DMC1: variants seen among roughly 807,000 people sequenced by gnomAD.
DMC1 encodes meiotic recombination protein DMC1 homolog.
Under a neutral mutation model 50.1 loss-of-function variants are expected in DMC1, and 27 were observed. The observed-to-expected ratio is 0.54, with a 90% CI of 0.40 to 0.74. The LOEUF is 0.74. Ranked by LOEUF, DMC1 falls within the 30% of genes least tolerant of loss-of-function variation. The pLI is 0.00. For missense variants in DMC1, 295 were observed against 420.2 expected (o/e 0.70, Z 2.60); for synonymous variants, 148 against 136.1 (o/e 1.09, Z -0.61).
At chr22:38,555,551 G>GAACAGCAAT in intron 5 of DMC1, 142 bp from the exon 6 acceptor site, 1 of 613,822 alleles carries the variant, frequency 1.6e-6, no homozygotes, top group African/African-American at 1.9e-5. Flanking sequence ...TACAGAACAT[G>GAACAGCAAT]AACAGCAATT....
intron 5 of DMC1, 86 bp downstream of exon 5, chr22:38,562,201 T>C: frequency 1.1e-6 from 1 of 893,282 alleles, no homozygotes; most frequent in Non-Finnish European, 1.8e-6. Flanking sequence ...CTTCTACTAC[T>C]TATAGTAGAA....
intron 7 of DMC1, among the ~76,000 whole-genome samples, chr22:38,551,041 G>A (rs1569165219): frequency 6.6e-6 from 1 of 150,516 alleles, no homozygotes; most frequent in Non-Finnish European, 1.5e-5. Context: ...AGGAGTTTGA[G>A]ACCAGCCTCA....
intron 5 of DMC1, among the ~76,000 whole-genome samples, chr22:38,561,002 AT>A (rs1011284443): frequency 3.7e-4 from 55 of 149,190 alleles, no homozygotes; most frequent in Non-Finnish European, 2.2e-4. Context: ...TAATTCCTTA[AT>A]TTTTTTTTTT....
At chr22:38,562,402 A>T (rs764187341) in intron 4 of DMC1, 33 bp from the exon 5 acceptor site, 1 of 1,442,212 alleles carries the variant, frequency 6.9e-7, no homozygotes, top group South Asian at 1.1e-5. Flanking sequence ...GTTCAAAAAG[A>T]GTTTAAAGAT....
intron 6 of DMC1, among the ~76,000 whole-genome samples, chr22:38,553,723 C>T (rs1249313480): frequency 6.6e-6 from 1 of 151,008 alleles, no homozygotes; most frequent in Non-Finnish European, 1.5e-5. Context: ...CTTTGGGAGG[C>T]CGAGGCGGGC....
At chr22:38,525,205 T>C (rs2090074935) in intron 12 of DMC1, among the ~76,000 whole-genome samples, 2 of 152,178 alleles carry the variant, frequency 1.3e-5, no homozygotes, top group Non-Finnish European at 2.9e-5. Flanking sequence ...ATATACAGGG[T>C]ACTCCATAAA....
intron 12 of DMC1, among the ~76,000 whole-genome samples, chr22:38,522,118 A>T (rs1424287658): frequency 2.0e-5 from 3 of 151,568 alleles, no homozygotes; most frequent in Admixed American, 6.6e-5. Context: ...CGCCCAGCTA[A>T]TTTTTTGTAT....
chr22:38,519,267 G>A lies in DMC1; in HGVS notation c.*753C>T, dbSNP rs2089998391. ...AGTAGAGATGGGGTTTCTCCATGTT[G>A]GCCAGGCTGGTCTTGAACTCCTGAC... On this transcript the variant is annotated 3_prime_UTR_variant, in exon 14 of 14. Coordinates refer to ENST00000216024, the MANE Select transcript of DMC1 (RefSeq NM_007068.4). The A allele has an allele frequency of 6.6e-6, 1 of 151,796 alleles. No homozygotes were observed. The highest frequency in any genetic ancestry group is 1.5e-5 in the Non-Finnish European group (1 of 67,990). The allele number at this position is 151,796 out of a possible 1,614,324, so 9.4% of individuals were successfully genotyped here. A position where few individuals can be genotyped will look rare whatever the true frequency, so the allele number is the denominator to read the frequency against.
At chr22:38,556,914 G>A (rs997665772) in intron 5 of DMC1, among the ~76,000 whole-genome samples, 3 of 152,166 alleles carry the variant, frequency 2.0e-5, no homozygotes, top group Non-Finnish European at 4.4e-5. Flanking sequence ...ATAAGGAAAA[G>A]AAAAATCTAG....
chr22:38,537,041 G>A (rs181473447), intron 12 of DMC1, among the ~76,000 whole-genome samples: 2 of 151,876 alleles, frequency 1.3e-5, no homozygotes, highest in Admixed American at 6.6e-5. Flanking sequence ...TAGTAGAGAC[G>A]AGGCTTCATC....
At chr22:38,530,343 G>GT (rs1314748546) in intron 12 of DMC1, among the ~76,000 whole-genome samples, 3 of 150,494 alleles carry the variant, frequency 2.0e-5, no homozygotes, top group Non-Finnish European at 4.4e-5. Flanking sequence ...AGAAGAGGTG[G>GT]TTAAAAAAAA....
At chr22:38,513,042 C>A in the DMC1 span, among the ~76,000 whole-genome samples, 1 of 151,896 alleles carries the variant, frequency 6.6e-6, no homozygotes, top group African/African-American at 2.4e-5. Context: ...CAAGATCACA[C>A]CACTGCACTC....
chr22:38,539,225 T>C (rs2090252573), intron 9 of DMC1, 96 bp downstream of exon 9: 2 of 898,258 alleles, frequency 2.2e-6, no homozygotes, highest in South Asian at 1.4e-5. Context: ...AAAAATAAAA[T>C]AGAAAAAAAG....
At chr22:38,551,856 CTT>C (rs71761663) in intron 7 of DMC1, among the ~76,000 whole-genome samples, 44 of 93,150 alleles carry the variant, frequency 4.7e-4, no homozygotes, top group African/African-American at 9.2e-4. Context: ...GAACTCCTTT[CTT>C]TTTTTTTTTT....
chr22:38,527,446 C>T (rs908266788), intron 12 of DMC1, among the ~76,000 whole-genome samples: 2 of 151,944 alleles, frequency 1.3e-5, no homozygotes, highest in African/African-American at 4.8e-5. Context: ...CTCAAGTGAT[C>T]CGCCCACCTC....
chr22:38,526,451 G>A (rs549813136), intron 12 of DMC1, among the ~76,000 whole-genome samples: 98 of 150,628 alleles, frequency 6.5e-4, no homozygotes, highest in African/African-American at 2.2e-3. Flanking sequence ...CTCATGATCT[G>A]CCCACCTCAG....
chr22:38,528,172 C>T (rs1243664864), intron 12 of DMC1, among the ~76,000 whole-genome samples: 1 of 151,624 alleles, frequency 6.6e-6, no homozygotes, highest in Non-Finnish European at 1.5e-5. Flanking sequence ...AGCAATTCTC[C>T]TGCCTCAGCC....
intron 1 of DMC1, 162 bp from the exon 2 acceptor site, chr22:38,568,451 TTGTGTGTG>T (rs11570378): frequency 1.2e-5 from 7 of 591,752 alleles, no homozygotes; most frequent in African/African-American, 5.7e-5. Flanking sequence ...ACATTATTTC[TTGTGTGTG>T]TGTGTGTGTG....
At chr22:38,532,579 C>T (rs2090164998) in intron 12 of DMC1, among the ~76,000 whole-genome samples, 1 of 151,662 alleles carries the variant, frequency 6.6e-6, no homozygotes, top group Admixed American at 6.6e-5. Flanking sequence ...CTTGGTCTCC[C>T]AAAGTGCTGG....
Sources: gnomAD v4.1 joint callset for allele counts (sites outside exome capture counted in the v4.1 genomes callset) on GRCh38, gnomAD v4.1.1 for gene constraint, MANE v1.5 for transcripts, NCBI Gene and HGNC (gene_info 2026-07-23, HGNC 2026-07-21) for gene names.